The following ANKRD12 variants were observed in gnomAD, a reference collection of about 807,000 sequenced individuals.
ANKRD12 encodes ankyrin repeat domain 12, also known as ankyrin repeat domain-containing protein 12.
In ANKRD12, 85 loss-of-function variants were observed where a neutral mutation model predicts 183.4. The ratio of observed to expected loss-of-function variants is 0.46; its 90% CI spans 0.39 to 0.56. The LOEUF is 0.56. Among genes scored for constraint, ANKRD12 ranks in the 20% least tolerant of loss-of-function variants. The pLI is 0.00. For synonymous variants in ANKRD12, 914 were observed against 800.2 expected, an observed-to-expected ratio of 1.14 and a Z score of -2.40; for missense variants, 2,405 against 2,357.1, an observed-to-expected ratio of 1.02 and a Z score of -0.42.
intron 1 of ANKRD12, among the ~76,000 whole-genome samples, chr18:9,173,254 G>C (rs925852058): frequency 1.7e-4 from 26 of 151,958 alleles, no homozygotes; most frequent in African/African-American, 6.0e-4. Context: ...ATTTTTAGTA[G>C]AGATGGGGCT....
At chr18:9,216,702 G>A (rs1357190477) in intron 6 of ANKRD12, 56 bp from the exon 7 acceptor site, 1 of 1,558,478 alleles carries the variant, frequency 6.4e-7, no homozygotes. Flanking sequence ...TATATGAAAA[G>A]CATATATTTT....
intron 3 of ANKRD12, among the ~76,000 whole-genome samples, chr18:9,197,359 T>C (rs2034896102): frequency 6.6e-6 from 1 of 152,234 alleles, no homozygotes; most frequent in African/African-American, 2.4e-5. Context: ...TTATTCTTCC[T>C]TTTGAAAAGT....
Position 9,258,500 on chromosome 18 carries a change from A to T in ANKRD12, c.5233A>T (p.Asn1745Tyr). 6.2e-7 allele frequency: 1 copy of T among 1,613,810 alleles called. No individual in the cohort carries two copies. Among genetic ancestry groups the T allele is most frequent in the Non-Finnish European group, 8.5e-7 (1 of 1,179,930 alleles). Residue 1745 changes from asparagine to tyrosine, a missense_variant, in exon 9 of 13, where the codon AAT (asparagine) becomes TAT (tyrosine). Transcript: ENST00000262126. ...TAGAAACAAAGCAAATACAATGGCA[A>T]ATCAAAGCAAACAGATTCTTGCTAG... ...MTRNKANTMA[N>Y]QSKQILASCT...
intron 10 of ANKRD12, among the ~76,000 whole-genome samples, chr18:9,265,822 C>T (rs145856300): frequency 0.076 from 11,583 of 152,090 alleles, 476 homozygotes; most frequent in African/African-American, 0.091. Flanking sequence ...CAAACTACTC[C>T]GAGATAAAGG....
At chr18:9,141,942 TG>T (rs1255697493) in intron 1 of ANKRD12, among the ~76,000 whole-genome samples, 2 of 152,190 alleles carry the variant, frequency 1.3e-5, no homozygotes, top group African/African-American at 4.8e-5. Context: ...TGTTTGTTTT[TG>T]TTTTGTTTCA....
Position 9,257,591 on chromosome 18 carries a change from C to A in ANKRD12, c.4324C>A (p.Pro1442Thr), listed in dbSNP as rs1176960441. 2.5e-6 allele frequency: 4 copies of A among 1,613,932 alleles called. No individual in the cohort carries two copies. The highest frequency in any genetic ancestry group is 1.6e-4 in the Middle Eastern group (1 of 6,084). Residue 1442 changes from proline to threonine, a missense_variant, in exon 9 of 13, where the codon CCT (proline) becomes ACT (threonine). This residue lies in a region of ANKRD12 where 1,983 missense variants were observed against 1,725.9 expected (regional missense o/e 1.15). Transcript: ENST00000262126. ...RDFICPNSNI[P>T]DQESSLQSFC... ...CTTTATCTGCCCAAATTCTAACATA[C>A]CTGATCAAGAATCCTCTCTTCAGAG...
chr18:9,215,734 C>T (rs1268616638), intron 6 of ANKRD12, among the ~76,000 whole-genome samples: 2 of 57,118 alleles, frequency 3.5e-5, no homozygotes, highest in African/African-American at 1.0e-4. Flanking sequence ...AAACTGTGTC[C>T]AGATGTTGTC....
At chr18:9,248,588 A>G (rs1223398718) in intron 8 of ANKRD12, among the ~76,000 whole-genome samples, 1 of 152,230 alleles carries the variant, frequency 6.6e-6, no homozygotes, top group Non-Finnish European at 1.5e-5. Flanking sequence ...TTGTGTTTGC[A>G]GTTATTTTAT....
chr18:9,138,420 G>A (rs983771348), intron 1 of ANKRD12, among the ~76,000 whole-genome samples: 3 of 152,228 alleles, frequency 2.0e-5, no homozygotes, highest in Non-Finnish European at 2.9e-5. Flanking sequence ...AGCCGAGGCA[G>A]GGGAATCGCT....
chr18:9,192,639 T>C (rs1432186491), intron 2 of ANKRD12, among the ~76,000 whole-genome samples: 1 of 152,160 alleles, frequency 6.6e-6, no homozygotes, highest in Non-Finnish European at 1.5e-5. Flanking sequence ...AAAACTCTAT[T>C]GTAAAATCTT....
At chr18:9,212,936 C>A (rs1226738862) in intron 6 of ANKRD12, among the ~76,000 whole-genome samples, 1 of 151,630 alleles carries the variant, frequency 6.6e-6, no homozygotes, top group East Asian at 1.9e-4. Context: ...TGGTTTAGTC[C>A]TGTTTTTAAT....
At chr18:9,188,175 C>G (rs186165922) in intron 2 of ANKRD12, among the ~76,000 whole-genome samples, 1 of 152,296 alleles carries the variant, frequency 6.6e-6, no homozygotes, top group East Asian at 1.9e-4. Context: ...TTGTTTGTGC[C>G]TGTTCCCTGA....
intron 9 of ANKRD12, among the ~76,000 whole-genome samples, chr18:9,260,553 T>C (rs1330111549): frequency 2.0e-5 from 3 of 152,162 alleles, no homozygotes; most frequent in African/African-American, 7.2e-5. Flanking sequence ...TAGTCTCTAC[T>C]GTGGCCACTG....
chr18:9,239,031 A>AG (rs1265612847), intron 8 of ANKRD12, among the ~76,000 whole-genome samples: 1 of 152,150 alleles, frequency 6.6e-6, no homozygotes, highest in African/African-American at 2.4e-5. Flanking sequence ...GGGCTGAGGT[A>AG]GGAGGTTCAC....
At chr18:9,213,323 G>A (rs1382235610) in intron 6 of ANKRD12, among the ~76,000 whole-genome samples, 3 of 151,826 alleles carry the variant, frequency 2.0e-5, no homozygotes, top group African/African-American at 7.2e-5. Flanking sequence ...TATTCTAGAG[G>A]AAAACTTGAC....
chr18:9,208,742 A>G lies in ANKRD12; in HGVS notation c.390A>G (p.Pro130=). 1.2e-6 allele frequency: 2 copies of G among 1,610,704 alleles called. No individual in the cohort carries two copies. The highest frequency in any genetic ancestry group is 1.7e-6 in the Non-Finnish European group (2 of 1,178,248). The change falls in exon 5 of 13, where the codon CCA becomes CCG. Residue 130 remains proline, a synonymous_variant. Transcript: ENST00000262126. ...STPVSILFGY[P]LSERKQMALL... is the part of the protein sequence containing the mutation. ...CAGTTAGCATTCTTTTTGGTTATCCACTCTCTGAGCGAAAACAGATGGCAC... is the reference window on the plus strand; with the variant it reads ...CAGTTAGCATTCTTTTTGGTTATCCGCTCTCTGAGCGAAAACAGATGGCAC...
At position 9,256,377 on chromosome 18, in the gene ANKRD12, T is replaced by C; in HGVS notation, c.3110T>C (p.Ile1037Thr). The C allele has an allele frequency of 1.2e-6, 2 of 1,603,216 alleles. No homozygotes were observed. The highest frequency in any genetic ancestry group is 2.3e-5 in the South Asian group (2 of 88,548). ...YKERDKHKDK[I>T]QINSLLKLKS... ...GAACGAGACAAACATAAAGATAAAA[T>C]TCAAATAAATAGCTTACTCAAACTA... is the stretch of plus-strand genomic sequence containing the variant. The change falls in exon 9 of 13, where the codon ATT becomes ACT. Residue 1037 changes from isoleucine (I) to threonine (T), a missense_variant. By Grantham distance (89) the Ile-to-Thr change is moderately conservative. This residue lies in a region of ANKRD12 where 1,983 missense variants were observed against 1,725.9 expected (regional missense o/e 1.15). Transcript: ENST00000262126.
At position 9,246,418 on chromosome 18, in the gene ANKRD12, T is replaced by C. The variant is rs2037965950; in HGVS notation, c.944-7793T>C. Among the ~76,000 whole-genome samples the C allele has an allele frequency of 2.0e-5, 3 of 152,228 alleles. No homozygotes were observed. The South Asian group carries it at 6.2e-4, about 32-fold the overall frequency. ...ATCGTGTTTCACTCTACTTCTTCTTTGCCCTCACGCCTCCCTGCACCTCTC... is the reference window on the plus strand; with the variant it reads ...ATCGTGTTTCACTCTACTTCTTCTTCGCCCTCACGCCTCCCTGCACCTCTC... On this transcript the variant is annotated intron_variant, in intron 8 of 12. Transcript: ENST00000262126.
intron 8 of ANKRD12, chr18:9,239,514 T>G (rs1310202026): frequency 7.8e-7 from 1 of 1,287,894 alleles, no homozygotes; most frequent in South Asian, 1.2e-5. Context: ...GCCTGAATTA[T>G]TGCTTGGTCA....
Sources: gnomAD v4.1 joint callset for allele counts (sites outside exome capture counted in the v4.1 genomes callset) on GRCh38, gnomAD v4.1.1 for gene constraint, gnomAD v4.1.1 regional missense constraint, MANE v1.5 for transcripts, NCBI Gene and HGNC (gene_info 2026-07-23, HGNC 2026-07-21) for gene names.